ALK: variants seen among roughly 807,000 people sequenced by gnomAD.
ALK encodes ALK receptor tyrosine kinase, also known as ALK tyrosine kinase receptor.
In ALK, 74 loss-of-function variants were observed where a neutral mutation model predicts 163.1. The ratio of observed to expected loss-of-function variants is 0.45; its 90% CI spans 0.38 to 0.55. The LOEUF (loss-of-function observed/expected upper bound fraction) is 0.55. Among genes scored for constraint, ALK ranks in the 20% least tolerant of loss-of-function variants. ALK has a pLI of 0.00. For synonymous variants in ALK, 960 were observed against 843.2 expected (o/e 1.14, Z -2.40); for missense variants, 2,063 against 2,105.3 (o/e 0.98, Z 0.39).
intron 3 of ALK, among the ~76,000 whole-genome samples, chr2:29,693,476 C>G (rs1678463861): frequency 6.6e-6 from 1 of 151,480 alleles, no homozygotes; most frequent in Non-Finnish European, 1.5e-5. Flanking sequence ...TATCACCATC[C>G]AGATAAAAGC....
At chr2:29,275,652 C>G in intron 9 of ALK, among the ~76,000 whole-genome samples, 156 bp from the exon 10 acceptor site, 1 of 152,208 alleles carries the variant, frequency 6.6e-6, no homozygotes, top group South Asian at 2.1e-4. Context: ...GAGCAGTCAG[C>G]TCCCCCTACT....
At chr2:29,683,072 C>G (rs1487393590) in intron 3 of ALK, among the ~76,000 whole-genome samples, 1 of 152,082 alleles carries the variant, frequency 6.6e-6, no homozygotes, top group East Asian at 1.9e-4. Flanking sequence ...ATACTCAACA[C>G]AGGTACTTTG....
intron 4 of ALK, among the ~76,000 whole-genome samples, chr2:29,424,480 A>G (rs1035509646): frequency 3.9e-5 from 6 of 152,252 alleles, no homozygotes; most frequent in Non-Finnish European, 7.3e-5. Context: ...ATTTAGGATT[A>G]AAGTTGTTCT....
intron 4 of ALK, among the ~76,000 whole-genome samples, chr2:29,429,979 A>C (rs984751481): frequency 1.3e-5 from 2 of 152,114 alleles, no homozygotes; most frequent in African/African-American, 4.8e-5. Context: ...TCTATAAAAA[A>C]ATTTTTCAGG....
intron 9 of ALK, among the ~76,000 whole-genome samples, chr2:29,285,004 A>G (rs1207169199): frequency 6.6e-6 from 1 of 152,196 alleles, no homozygotes; most frequent in African/African-American, 2.4e-5. Context: ...GACAAACCTA[A>G]TTAAGTTCAC....
chr2:29,677,588 T>C lies in ALK; in HGVS notation c.952+17262A>G, dbSNP rs1296049116. Among the ~76,000 whole-genome samples, 3 of 152,072 alleles carry C rather than the reference T, an allele frequency of 2.0e-5. No individual in the cohort carries two copies. The East Asian group carries it at 5.8e-4, about 29-fold the overall frequency. On this transcript the variant is annotated intron_variant, in intron 3 of 28. Coordinates refer to ENST00000389048, the MANE Select transcript of ALK (RefSeq NM_004304.5). ...TATTAACATGGTATATTACATCAACTGATTTTGGGATATTAAACCAACCTT... is the reference window on the plus strand; with the variant it reads ...TATTAACATGGTATATTACATCAACCGATTTTGGGATATTAAACCAACCTT...
In ALK at chr2:29,282,446, C is replaced by T. The variant is rs944847359; in HGVS notation, c.1818-6950G>A. On this transcript the variant is annotated intron_variant, in intron 9 of 28. Transcript: ENST00000389048. ...TGGGACCATCCTTGGCCATGTCAAA[C>T]GCAATCATGGCTAGGAATGTGTGTC... 5.9e-5 allele frequency among the ~76,000 whole-genome samples: 9 copies of T among 152,142 alleles called. No individual in the cohort carries two copies. The East Asian group carries it at 7.7e-4, about 13-fold the overall frequency.
chr2:29,674,817 A>G (rs371275055), intron 3 of ALK, among the ~76,000 whole-genome samples: 1 of 140,276 alleles, frequency 7.1e-6, no homozygotes, highest in Non-Finnish European at 1.5e-5. Flanking sequence ...GACTCTTTTT[A>G]GTTGGTAAGC....
intron 3 of ALK, among the ~76,000 whole-genome samples, chr2:29,568,243 A>C (rs1401562039): frequency 6.6e-6 from 1 of 152,230 alleles, no homozygotes; most frequent in Non-Finnish European, 1.5e-5. Context: ...AAAAACTTAA[A>C]ATTCAAGCAA....
intron 8 of ALK, among the ~76,000 whole-genome samples, chr2:29,299,859 G>A (rs367748438): frequency 4.6e-5 from 7 of 152,202 alleles, no homozygotes; most frequent in East Asian, 3.9e-4. Flanking sequence ...AAGGTGGGAA[G>A]GGTGTTCCAT....
intron 3 of ALK, among the ~76,000 whole-genome samples, chr2:29,684,802 G>A (rs575321044): frequency 1.3e-5 from 2 of 152,300 alleles, no homozygotes; most frequent in African/African-American, 4.8e-5. Flanking sequence ...TTGTCATAAT[G>A]GTAAGAACAT....
At chr2:29,412,056 T>C (rs79547009) in intron 4 of ALK, among the ~76,000 whole-genome samples, 1,988 of 152,250 alleles carry the variant, frequency 0.013, 35 homozygotes, top group African/African-American at 0.046. Flanking sequence ...CCTGTCCAGG[T>C]AGTAGATACA....
intron 2 of ALK, among the ~76,000 whole-genome samples, chr2:29,716,339 T>C (rs1679253023): frequency 6.6e-6 from 1 of 152,258 alleles, no homozygotes; most frequent in South Asian, 2.1e-4. Flanking sequence ...TAAGGCTTTA[T>C]GCATATCTTC....
At chr2:29,354,906 A>G (rs1668209581) in intron 5 of ALK, among the ~76,000 whole-genome samples, 1 of 151,848 alleles carries the variant, frequency 6.6e-6, no homozygotes, top group African/African-American at 2.4e-5. Flanking sequence ...AGCTAGGACT[A>G]CAGGTGCCTG....
chr2:29,708,178 C>T (rs1678970044), intron 2 of ALK, among the ~76,000 whole-genome samples: 1 of 152,184 alleles, frequency 6.6e-6, no homozygotes, highest in East Asian at 1.9e-4. Flanking sequence ...AGCAATTATC[C>T]TGCCTCAGCC....
In ALK at chr2:29,682,919, G is replaced by C. The variant is rs1178318655; in HGVS notation, c.952+11931C>G. 3.9e-5 allele frequency among the ~76,000 whole-genome samples: 6 copies of C among 152,154 alleles called. No individual in the cohort carries two copies. The East Asian group carries it at 1.2e-3, about 29-fold the overall frequency. On this transcript the variant is annotated intron_variant, in intron 3 of 28. Coordinates refer to ENST00000389048, the MANE Select transcript of ALK (RefSeq NM_004304.5). ...ATACAAGTCATGGTGCTCCAGAAAA[G>C]AGACACAGGGAGCTGCCACACTATG... is the stretch of plus-strand genomic sequence containing the variant.
chr2:29,407,583 A>G (rs904173970), intron 4 of ALK, among the ~76,000 whole-genome samples: 3 of 152,230 alleles, frequency 2.0e-5, no homozygotes, highest in Non-Finnish European at 2.9e-5. Context: ...ATGGTCTCCT[A>G]ACCCACGAGG....
intron 3 of ALK, among the ~76,000 whole-genome samples, chr2:29,610,020 T>A (rs1675647324): frequency 6.6e-6 from 1 of 152,216 alleles, no homozygotes; most frequent in African/African-American, 2.4e-5. Context: ...GGCCCTGGTT[T>A]TGTCCTTGAC....
intron 3 of ALK, among the ~76,000 whole-genome samples, chr2:29,538,425 C>T (rs1673318854): frequency 1.3e-5 from 2 of 152,164 alleles, no homozygotes; most frequent in South Asian, 2.1e-4. Context: ...TTCTCTTTCA[C>T]TTGCTCTTGC....
Sources: allele counts gnomAD v4.1 joint callset (sites outside exome capture counted in the v4.1 genomes callset), GRCh38; gene constraint gnomAD v4.1.1; transcripts MANE v1.5; gene names NCBI Gene and HGNC (gene_info 2026-07-23, HGNC 2026-07-21).